The following SRGAP2 variants were observed in gnomAD, a reference collection of about 807,000 sequenced individuals.
SRGAP2 encodes the protein SLIT-ROBO Rho GTPase-activating protein 2.
Under a neutral mutation model 57.2 loss-of-function variants are expected in SRGAP2, and 15 were observed. The observed-to-expected ratio is 0.26, with a 90% CI of 0.18 to 0.40. The LOEUF is 0.40. SRGAP2 is among the 10% of genes least tolerant of loss of function. SRGAP2 has a pLI of 1.00. For synonymous variants in SRGAP2, 249 were observed against 248.0 expected, an observed-to-expected ratio of 1.00 and a Z score of -0.04; for missense variants, 520 against 669.6, an observed-to-expected ratio of 0.78 and a Z score of 2.47.
At chr1:206,428,269 T>C (rs1456842754) in intron 13 of SRGAP2, among the ~76,000 whole-genome samples, 1 of 151,314 alleles carries the variant, frequency 6.6e-6, no homozygotes, top group Admixed American at 6.6e-5. Context: ...ACAAAAAAAT[T>C]AGCTGGGCAT....
intron 4 of SRGAP2, among the ~76,000 whole-genome samples, chr1:206,344,085 G>A (rs797041738): frequency 3.1e-4 from 47 of 152,264 alleles, no homozygotes; most frequent in Admixed American, 8.5e-4. Context: ...CAAAGCTCTT[G>A]ATCAGCTTTC....
Position 206,454,052 on chromosome 1 carries a change from G to C in SRGAP2, c.2360+672G>C, listed in dbSNP as rs1663596038. On this transcript the variant is annotated intron_variant, in intron 20 of 22. Coordinates refer to ENST00000573034, the MANE Select transcript of SRGAP2 (RefSeq NM_015326.5). The surrounding 1 kb of genome is among the most constrained non-coding windows in gnomAD (Gnocchi z 4.3). ...GTGGGCCCACCCAAGCCTGCCCCCT[G>C]TCCGTTTGCCCTGTCTCTGTCCCCA... 1 of 696,976 alleles carries C rather than the reference G, an allele frequency of 1.4e-6. No individual in the cohort carries two copies. The highest frequency in any genetic ancestry group is 2.6e-6 in the Non-Finnish European group (1 of 381,698). The allele number at this position is 696,976 out of a possible 1,614,324, so 43.2% of individuals were successfully genotyped here. A position where few individuals can be genotyped will look rare whatever the true frequency, so the allele number is the denominator to read the frequency against.
Position 206,325,911 on chromosome 1 carries a change from A to C in SRGAP2, c.261-16935A>C, listed in dbSNP as rs567617527. ...AGACGAGCATAAGAATCCACATTTT[A>C]AACAAGCATTCCAGGTGATTCTGAT... On this transcript the variant is annotated intron_variant, in intron 3 of 22. Coordinates refer to ENST00000573034, the MANE Select transcript of SRGAP2 (RefSeq NM_015326.5). Among the ~76,000 whole-genome samples the C allele has an allele frequency of 2.0e-5, 3 of 152,322 alleles. No individual in the cohort carries two copies. The East Asian group carries it at 5.8e-4, about 29-fold the overall frequency.
Position 206,220,324 on chromosome 1 carries a change from C to T in SRGAP2, c.67+14287C>T, listed in dbSNP as rs1453510537. ...AAGAATTTGAAAAATTATCCGATAA[C>T]GTTAGGAGCAGCAAAGCAACTGCTT... On this transcript the variant is annotated intron_variant, in intron 2 of 22. Coordinates refer to ENST00000573034, the MANE Select transcript of SRGAP2 (RefSeq NM_015326.5). Among the ~76,000 whole-genome samples, 6 of 152,050 alleles carry T rather than the reference C, an allele frequency of 3.9e-5. 1 individual carries two copies. Among genetic ancestry groups the T allele is most frequent in the African/African-American group, 1.4e-4 (6 of 41,388 alleles).
intron 4 of SRGAP2, among the ~76,000 whole-genome samples, chr1:206,352,087 CA>C (rs1676075219): frequency 9.1e-6 from 1 of 109,326 alleles, no homozygotes; most frequent in African/African-American, 3.6e-5. Context: ...GTGCAGTAGA[CA>C]AAAAATAAAA....
chr1:206,448,661 C>T (rs1359803846), intron 18 of SRGAP2, among the ~76,000 whole-genome samples: 3 of 152,216 alleles, frequency 2.0e-5, no homozygotes, highest in South Asian at 2.1e-4. Context: ...TTCCATGGCT[C>T]GCTGAAGTTT....
intron 4 of SRGAP2, among the ~76,000 whole-genome samples, chr1:206,373,001 C>CT (rs1654811560): frequency 9.9e-6 from 1 of 100,588 alleles, no homozygotes; most frequent in East Asian, 3.2e-4. Context: ...TTCTTTCTTT[C>CT]TTTCTTTCTT....
At chr1:206,214,537 A>G (rs1571582314) in intron 2 of SRGAP2, 1 of 149,130 alleles carries the variant, frequency 6.7e-6, no homozygotes, top group Non-Finnish European at 1.5e-5. Flanking sequence ...ATCTTCACCT[A>G]TTGAAATCTC....
At chr1:206,378,847 A>C (rs561184982) in intron 4 of SRGAP2, among the ~76,000 whole-genome samples, 1 of 152,306 alleles carries the variant, frequency 6.6e-6, no homozygotes, top group South Asian at 2.1e-4. Flanking sequence ...CCAAGAACCC[A>C]CCAGAAGGAA....
Position 206,452,542 on chromosome 1 carries a change from G to A in SRGAP2, c.2180-658G>A, listed in dbSNP as rs73077110. 2.5e-3 allele frequency among the ~76,000 whole-genome samples: 375 copies of A among 152,294 alleles called. 2 individuals carry two copies. Among genetic ancestry groups the A allele is most frequent in the African/African-American group, 8.4e-3 (349 of 41,562 alleles). ...AAAAATATAGTATGGCAAGTTTGAT[G>A]ATAGACGTCAAGGCATGAAGATCTT... On this transcript the variant is annotated intron_variant, in intron 19 of 22. Transcript: ENST00000573034.
rs1192198662 is a variant in SRGAP2, at chr1:206,372,898, C to CCTTTCTTTCTTT, written c.424-11067_424-11056dup. 4.1e-4 allele frequency among the ~76,000 whole-genome samples: 11 copies of CCTTTCTTTCTTT among 26,738 alleles called. 1 individual carries two copies. Among genetic ancestry groups the CCTTTCTTTCTTT allele is most frequent in the Non-Finnish European group, 6.8e-4 (10 of 14,768 alleles). The allele number at this position is 26,738 out of a possible 152,430, so 17.5% of individuals were successfully genotyped here. The stretch of plus-strand genomic sequence containing the variant: ...TAGATTCCTTTCTTTCTTTCTCTCT[C>CCTTTCTTTCTTT]CTTTCTTTCTTTCTTTCTTTCTTTC... On this transcript the variant is annotated intron_variant, in intron 4 of 22. Coordinates refer to ENST00000573034, the MANE Select transcript of SRGAP2 (RefSeq NM_015326.5).
intron 3 of SRGAP2, among the ~76,000 whole-genome samples, chr1:206,307,620 G>A (rs1186984606): frequency 1.3e-5 from 2 of 152,268 alleles, no homozygotes; most frequent in Non-Finnish European, 2.9e-5. Flanking sequence ...CTAAGGCCCA[G>A]TGAGAAATCG....
chr1:206,409,544 G>A (rs1459569737), intron 10 of SRGAP2, among the ~76,000 whole-genome samples: 2 of 152,170 alleles, frequency 1.3e-5, no homozygotes, highest in African/African-American at 2.4e-5. Context: ...CGCTGTGGGA[G>A]CCTGAAGCGG....
chr1:206,430,043 T>C, intron 13 of SRGAP2, 119 bp from the exon 14 acceptor site: 1 of 709,732 alleles, frequency 1.4e-6, no homozygotes, highest in South Asian at 1.5e-5. Context: ...GCCAGGTGCT[T>C]CTTTGTAGAC....
intron 10 of SRGAP2, among the ~76,000 whole-genome samples, chr1:206,412,440 A>C (rs1328337813): frequency 6.6e-6 from 1 of 152,202 alleles, no homozygotes; most frequent in Non-Finnish European, 1.5e-5. Flanking sequence ...ATTTTGGTGA[A>C]TACCTAGAAT....
intron 3 of SRGAP2, among the ~76,000 whole-genome samples, chr1:206,335,880 A>G (rs1217550563): frequency 3.3e-5 from 5 of 151,718 alleles, no homozygotes; most frequent in Non-Finnish European, 7.4e-5. Flanking sequence ...TCTCTCACTT[A>G]ACATAAATTG....
intron 2 of SRGAP2, among the ~76,000 whole-genome samples, chr1:206,259,463 A>G (rs1669409076): frequency 6.6e-6 from 1 of 151,276 alleles, no homozygotes; most frequent in Non-Finnish European, 1.5e-5. Context: ...CAGCCTCCCA[A>G]GTAACTGGGA....
chr1:206,441,077 T>A (rs1662253594), intron 17 of SRGAP2, among the ~76,000 whole-genome samples: 1 of 152,136 alleles, frequency 6.6e-6, no homozygotes, highest in South Asian at 2.1e-4. Flanking sequence ...ACATAGAATA[T>A]GGAGAGAGAA....
intron 4 of SRGAP2, among the ~76,000 whole-genome samples, chr1:206,353,810 T>C (rs1175675001): frequency 1.4e-5 from 2 of 146,546 alleles, no homozygotes; most frequent in African/African-American, 5.1e-5. Flanking sequence ...TTTTTTTTTT[T>C]TTTTTTTGAG....
Sources: gnomAD v4.1 joint callset for allele counts (sites outside exome capture counted in the v4.1 genomes callset) on GRCh38, gnomAD v4.1.1 for gene constraint, Gnocchi (gnomAD v3.1) non-coding constraint, MANE v1.5 for transcripts, NCBI Gene and HGNC (gene_info 2026-07-23, HGNC 2026-07-21) for gene names.